KIAA2012: variants seen among roughly 807,000 people sequenced by gnomAD.
KIAA2012 encodes uncharacterized protein KIAA2012.
KIAA2012 carries 125 observed loss-of-function variants against 150.6 expected under a neutral mutation model. The observed-to-expected ratio is 0.83, with a 90% CI of 0.72 to 0.96. The LOEUF is 0.96. Among genes scored for constraint, KIAA2012 ranks in the 40% least tolerant of loss-of-function variants. KIAA2012 has a pLI of 0.00. For missense variants in KIAA2012, 1,219 were observed against 1,354.9 expected (o/e 0.90, Z 1.57); for synonymous variants, 462 against 504.7 (o/e 0.92, Z 1.13).
intron 19 of KIAA2012, among the ~76,000 whole-genome samples, chr2:202,191,275 TAAAA>T (rs1251461637): frequency 4.0e-5 from 6 of 151,738 alleles, no homozygotes; most frequent in Admixed American, 2.0e-4. Flanking sequence ...AGACTCCATC[TAAAA>T]AAAACAAAAC....
chr2:202,105,962 GC>G (rs1290326889), intron 9 of KIAA2012, 52 bp downstream of exon 9: 1 of 1,550,460 alleles, frequency 6.4e-7, no homozygotes, highest in African/African-American at 1.4e-5. Context: ...CTGAAGGGAA[GC>G]AAGGCAAGAC....
intron 2 of KIAA2012, among the ~76,000 whole-genome samples, chr2:202,089,000 C>T (rs1390365106): frequency 6.6e-6 from 1 of 152,210 alleles, no homozygotes; most frequent in Non-Finnish European, 1.5e-5. Flanking sequence ...AGGCTCTTTC[C>T]CAAGCTTTCT....
chr2:202,126,006 G>A (rs561695430), intron 12 of KIAA2012: 46 of 324,286 alleles, frequency 1.4e-4, no homozygotes, highest in South Asian at 3.2e-4. Flanking sequence ...CCAGGCTGGA[G>A]TGCAATGGCA....
chr2:202,085,446 T>A (rs946185374), intron 2 of KIAA2012, among the ~76,000 whole-genome samples: 1 of 152,078 alleles, frequency 6.6e-6, no homozygotes, highest in African/African-American at 2.4e-5. Context: ...GAGGGCAGCC[T>A]GAGAAGGACT....
intron 14 of KIAA2012, among the ~76,000 whole-genome samples, chr2:202,162,867 T>G (rs1336137335): frequency 6.9e-6 from 1 of 144,988 alleles, no homozygotes; most frequent in Non-Finnish European, 1.5e-5. Context: ...GAGGCGGAGG[T>G]TGCAGTGAGC....
chr2:202,163,313 A>C (rs1180756983), intron 14 of KIAA2012, among the ~76,000 whole-genome samples: 2 of 152,042 alleles, frequency 1.3e-5, no homozygotes, highest in East Asian at 3.9e-4. Flanking sequence ...CATGTTGGCC[A>C]GGCTGGTCTC....
chr2:202,199,844 T>C (rs1185877062), intron 22 of KIAA2012, among the ~76,000 whole-genome samples: 1 of 151,638 alleles, frequency 6.6e-6, no homozygotes, highest in Non-Finnish European at 1.5e-5. Context: ...CAATTTTTGA[T>C]CTGAAAACTC....
chr2:202,190,215 A>T lies in KIAA2012; in HGVS notation c.2533A>T (p.Lys845Ter). The T allele has an allele frequency of 6.6e-7, 1 of 1,520,886 alleles. No individual in the cohort carries two copies. The highest frequency in any genetic ancestry group is 8.8e-7 in the Non-Finnish European group (1 of 1,139,840). 94.2% of individuals were successfully genotyped at this position (1,520,886 alleles called of 1,614,324 possible). ...AAAGGCTAAAAAAAAATTAGAAAAA[A>T]AAACAAGACCCCAAAGGAAAAGGAC... ...DSKAKKKLEK[K>*]TRPQRKRTQK... Residue 845 changes from lysine to a stop codon, truncating the protein, a stop_gained, in exon 19 of 24, where the codon AAA becomes TAA. Coordinates refer to ENST00000498697, the MANE Select transcript of KIAA2012 (RefSeq NM_001277372.4). LOFTEE classifies it high-confidence loss of function.
chr2:202,197,107 A>G (rs1692430564), intron 22 of KIAA2012, 88 bp downstream of exon 22: 1 of 1,528,956 alleles, frequency 6.5e-7, no homozygotes, highest in Non-Finnish European at 8.8e-7. Flanking sequence ...CACTGCCTTT[A>G]GACAAGAAAA....
At chr2:202,110,690 C>T (rs1209957982) in intron 10 of KIAA2012, among the ~76,000 whole-genome samples, 1 of 152,210 alleles carries the variant, frequency 6.6e-6, no homozygotes, top group East Asian at 1.9e-4. Flanking sequence ...AGAGAGCCAT[C>T]ACAGAGGCAA....
chr2:202,133,344 C>T (rs1341093566), intron 12 of KIAA2012, among the ~76,000 whole-genome samples: 3 of 151,480 alleles, frequency 2.0e-5, no homozygotes, highest in Non-Finnish European at 4.4e-5. Flanking sequence ...TAAATTCAGT[C>T]CTCTAGCTAG....
intron 9 of KIAA2012, 52 bp downstream of exon 9, chr2:202,105,962 G>A: frequency 6.4e-7 from 1 of 1,550,578 alleles, no homozygotes; most frequent in African/African-American, 1.4e-5. Context: ...CTGAAGGGAA[G>A]CAAGGCAAGA....
rs1690085698 is a variant in KIAA2012, at chr2:202,102,928, T to C, written c.1156-18T>C. 2 of 1,548,066 alleles carry C rather than the reference T, an allele frequency of 1.3e-6. No individual in the cohort carries two copies. The highest frequency in any genetic ancestry group is 8.7e-7 in the Non-Finnish European group (1 of 1,146,010). On this transcript the variant is annotated intron_variant, in intron 7 of 23. Coordinates refer to ENST00000498697, the MANE Select transcript of KIAA2012 (RefSeq NM_001277372.4). ...TTGGATACCTGCCATGATCGTTTTG[T>C]TTTTAAATTTTCTCCAGGCACCAAA...
intron 4 of KIAA2012, among the ~76,000 whole-genome samples, chr2:202,096,249 C>T (rs1421268935): frequency 2.6e-5 from 4 of 152,244 alleles, no homozygotes; most frequent in African/African-American, 7.2e-5. Context: ...CCAGAATATC[C>T]CCAAAGGTCT....
At position 202,113,354 on chromosome 2, in the gene KIAA2012, C is replaced by T. The variant is rs1267927377; in HGVS notation, c.1670C>T (p.Thr557Ile). Residue 557 changes from threonine (T) to isoleucine (I), a missense_variant, in exon 11 of 24, where the codon ACA becomes ATA. By Grantham distance (89) the Thr-to-Ile change is moderately conservative. Coordinates refer to ENST00000498697, the MANE Select transcript of KIAA2012 (RefSeq NM_001277372.4). ...TTTCAAGAAGATTCCAGCGACCCTACACTGGGACACTTCTTGCTGGGTCCA... is the reference window on the plus strand; with the variant it reads ...TTTCAAGAAGATTCCAGCGACCCTATACTGGGACACTTCTTGCTGGGTCCA... ...PAAQEDSSDPTLGHFLLGPDG... is the reference protein window; with the variant it reads ...PAAQEDSSDPILGHFLLGPDG... 29 of 1,550,766 alleles carry T rather than the reference C, an allele frequency of 1.9e-5. No homozygotes were observed. Among genetic ancestry groups the T allele is most frequent in the South Asian group, 4.8e-5 (4 of 84,058 alleles).
Position 202,090,936 on chromosome 2 carries a change from G to A in KIAA2012, c.529+7G>A, listed in dbSNP as rs549151314. The A allele has an allele frequency of 4.2e-5, 64 of 1,536,466 alleles. 1 individual carries two copies. In the East Asian group the frequency reaches 1.5e-3, roughly 35 times the overall value. Reference sequence around the variant, plus strand: ...TATAGGCTCTGGTGCGCAGGTCAGTGGGGAAATGGGAGGGGGGCACACCCC... The same window carrying A: ...TATAGGCTCTGGTGCGCAGGTCAGTAGGGAAATGGGAGGGGGGCACACCCC... On this transcript the variant is annotated splice_region_variant and intron_variant, in intron 3 of 23. Transcript: ENST00000498697.
At chr2:202,146,631 C>CAAAA (rs34039489) in intron 13 of KIAA2012, among the ~76,000 whole-genome samples, 4 of 76,510 alleles carry the variant, frequency 5.2e-5, no homozygotes, top group South Asian at 5.1e-4. Context: ...GACTCCATCT[C>CAAAA]AAAAAAAAAA....
intron 20 of KIAA2012, 91 bp downstream of exon 20, chr2:202,193,594 C>A: frequency 7.6e-7 from 1 of 1,307,190 alleles, no homozygotes; most frequent in Non-Finnish European, 1.1e-6. Context: ...ATGTTTGGTT[C>A]TGAGGCTCAT....
intron 19 of KIAA2012, 77 bp downstream of exon 19, chr2:202,190,570 C>T (rs1692311703): frequency 2.6e-6 from 3 of 1,138,834 alleles, no homozygotes; most frequent in South Asian, 3.3e-5. Context: ...GGAAAGCTGC[C>T]CCTAATTATA....
Sources: gnomAD v4.1 joint callset for allele counts (sites outside exome capture counted in the v4.1 genomes callset) on GRCh38, gnomAD v4.1.1 for gene constraint, MANE v1.5 for transcripts, NCBI Gene and HGNC (gene_info 2026-07-23, HGNC 2026-07-21) for gene names.